The following LMAN2L variants were observed in gnomAD, a reference collection of about 807,000 sequenced individuals.
LMAN2L encodes the protein lectin, mannose binding 2 like.
A neutral mutation model predicts 44.3 loss-of-function variants in LMAN2L; 30 were observed. The observed-to-expected ratio is 0.68, with a 90% CI of 0.51 to 0.92. The LOEUF is 0.92. Among genes scored for constraint, LMAN2L ranks in the 40% least tolerant of loss-of-function variants. The pLI is 0.00. For synonymous variants in LMAN2L, 183 were observed against 171.1 expected (o/e 1.07, Z -0.54); for missense variants, 429 against 446.1 (o/e 0.96, Z 0.35).
chr2:96,712,843 G>A (rs1460885967), intron 4 of LMAN2L, among the ~76,000 whole-genome samples: 2 of 152,314 alleles, frequency 1.3e-5, no homozygotes, highest in East Asian at 1.9e-4. Context: ...TAGAAATGGC[G>A]AACTAATCAT....
intron 4 of LMAN2L, among the ~76,000 whole-genome samples, chr2:96,729,340 C>T (rs1458105675): frequency 1.3e-5 from 2 of 151,858 alleles, no homozygotes; most frequent in East Asian, 3.9e-4. Flanking sequence ...CACTTTATAT[C>T]GACTATTACC....
intron 2 of LMAN2L, among the ~76,000 whole-genome samples, chr2:96,736,919 G>T (rs1574032278): frequency 6.6e-6 from 1 of 152,162 alleles, no homozygotes; most frequent in Non-Finnish European, 1.5e-5. Flanking sequence ...AGCTAATGTA[G>T]AAATTTCTCT....
At chr2:96,739,832 C>G in intron 1 of LMAN2L, 22 bp downstream of exon 1, 1 of 1,611,506 alleles carries the variant, frequency 6.2e-7, no homozygotes, top group Non-Finnish European at 8.5e-7. Flanking sequence ...ACTGCACGAC[C>G]ACCTCACCCT....
chr2:96,739,987 C>CA lies in LMAN2L; in HGVS notation c.53dup (p.Leu18PhefsTer77), dbSNP rs1461138623. The CA allele has an allele frequency of 6.2e-7, 1 of 1,613,694 alleles. No homozygotes were observed. The highest frequency in any genetic ancestry group is 1.1e-5 in the South Asian group (1 of 91,072). ...ACATCCTGGACCCATCCCGAGCCGACAAACATCGCCGCCACTGCTGCCACG... is the reference window on the plus strand; with the variant it reads ...ACATCCTGGACCCATCCCGAGCCGACAAAACATCGCCGCCACTGCTGCCACG... On this transcript the variant is annotated frameshift_variant, in exon 1 of 8. Transcript: ENST00000264963. LOFTEE classifies it high-confidence loss of function.
rs2077786918 is a variant in LMAN2L, at chr2:96,706,623, C to T, written c.*633G>A. The T allele has an allele frequency of 6.6e-6, 1 of 152,492 alleles. No individual in the cohort carries two copies. The highest frequency in any genetic ancestry group is 1.9e-4 in the East Asian group (1 of 5,188). 9.4% of individuals were successfully genotyped at this position (152,492 alleles called of 1,614,324 possible). The stretch of plus-strand genomic sequence containing the variant: ...CAGAAAGCCATCTCCCTAGGGCCAC[C>T]TAATGAAGGCCAGTGAAACGCAGGT... On this transcript the variant is annotated 3_prime_UTR_variant, in exon 8 of 8. Coordinates refer to ENST00000264963, the MANE Select transcript of LMAN2L (RefSeq NM_030805.4).
intron 2 of LMAN2L, chr2:96,737,342 T>G (rs2078537075): frequency 2.8e-6 from 1 of 355,574 alleles, no homozygotes; most frequent in African/African-American, 2.2e-5. Context: ...TGGGATAAGG[T>G]TTGGGATCAA....
chr2:96,710,511 C>G (rs1232460019), intron 6 of LMAN2L, among the ~76,000 whole-genome samples: 1 of 152,084 alleles, frequency 6.6e-6, no homozygotes, highest in Non-Finnish European at 1.5e-5. Flanking sequence ...ACTAAAAATA[C>G]AAAAATTAGC....
chr2:96,715,130 G>T (rs2078014334), intron 4 of LMAN2L, among the ~76,000 whole-genome samples: 1 of 152,020 alleles, frequency 6.6e-6, no homozygotes, highest in South Asian at 2.1e-4. Flanking sequence ...GTAGAGATGG[G>T]GTTTCACCAT....
chr2:96,708,826 G>A (rs1422339751), intron 6 of LMAN2L, among the ~76,000 whole-genome samples: 1 of 151,598 alleles, frequency 6.6e-6, no homozygotes, highest in African/African-American at 2.4e-5. Context: ...AGCAATTAGG[G>A]ACTAGATTTC....
intron 4 of LMAN2L, chr2:96,713,004 G>C (rs2077961006): frequency 1.1e-6 from 1 of 943,120 alleles, no homozygotes; most frequent in Non-Finnish European, 1.7e-6. Flanking sequence ...CGAGACCAGA[G>C]ACCGGGGACT....
intron 6 of LMAN2L, 64 bp downstream of exon 6, chr2:96,711,592 A>G (rs547227489): frequency 1.8e-6 from 2 of 1,091,970 alleles, no homozygotes; most frequent in South Asian, 2.5e-5. Context: ...GAGAGGCCTC[A>G]ATGAAGTGTG....
chr2:96,714,066 G>C (rs2077984586), intron 4 of LMAN2L, among the ~76,000 whole-genome samples: 1 of 152,198 alleles, frequency 6.6e-6, no homozygotes, highest in Non-Finnish European at 1.5e-5. Flanking sequence ...ATGGAATTAA[G>C]ATCAGAGTGG....
intron 4 of LMAN2L, among the ~76,000 whole-genome samples, chr2:96,732,973 T>C (rs570255577): frequency 9.9e-5 from 15 of 152,208 alleles, no homozygotes; most frequent in Admixed American, 2.6e-4. Context: ...GGTCTCGAAC[T>C]CCTGACCTCA....
intron 1 of LMAN2L, among the ~76,000 whole-genome samples, chr2:96,738,674 C>T (rs2078568015): frequency 6.6e-6 from 1 of 152,044 alleles, no homozygotes; most frequent in South Asian, 2.1e-4. Context: ...GACCTTGTCT[C>T]TAAAAATATA....
intron 4 of LMAN2L, among the ~76,000 whole-genome samples, chr2:96,718,250 G>A (rs1184449231): frequency 6.6e-6 from 1 of 152,180 alleles, no homozygotes; most frequent in Non-Finnish European, 1.5e-5. Context: ...GCCACTGTGC[G>A]TGGCCGGTTG....
At chr2:96,723,923 C>T (rs1005802991) in intron 4 of LMAN2L, among the ~76,000 whole-genome samples, 12 of 151,710 alleles carry the variant, frequency 7.9e-5, no homozygotes, top group Middle Eastern at 3.2e-3. Flanking sequence ...CCCATCTCTA[C>T]TAAAAACATA....
chr2:96,722,791 C>T (rs938607935), intron 4 of LMAN2L, among the ~76,000 whole-genome samples: 11 of 152,264 alleles, frequency 7.2e-5, no homozygotes, highest in Admixed American at 7.2e-4. Flanking sequence ...GAGGCCAAGG[C>T]GGGCGGATAA....
chr2:96,736,443 C>T (rs2078517012), intron 2 of LMAN2L, among the ~76,000 whole-genome samples: 1 of 151,846 alleles, frequency 6.6e-6, no homozygotes. Flanking sequence ...TATCAGAAGT[C>T]GAAAAAGGGA....
intron 4 of LMAN2L, among the ~76,000 whole-genome samples, chr2:96,725,724 C>T (rs1396500885): frequency 6.6e-6 from 1 of 151,266 alleles, no homozygotes; most frequent in Admixed American, 6.6e-5. Context: ...GGATTACAGG[C>T]GTAAGCCACC....
Sources: gnomAD v4.1 joint callset for allele counts (sites outside exome capture counted in the v4.1 genomes callset) on GRCh38, gnomAD v4.1.1 for gene constraint, MANE v1.5 for transcripts, NCBI Gene and HGNC (gene_info 2026-07-23, HGNC 2026-07-21) for gene names.